Variants in BRI3 observed in about 807,000 individuals in gnomAD.
The protein encoded by BRI3 is membrane protein BRI3.
A neutral mutation model predicts 12.8 loss-of-function variants in BRI3; 6 were observed. That is an observed-to-expected ratio of 0.47 (90% CI 0.26 to 0.93). The LOEUF is 0.93. BRI3 is among the 40% of genes least tolerant of loss of function. BRI3 has a pLI of 0.15. For synonymous variants in BRI3, 91 were observed against 76.1 expected, an observed-to-expected ratio of 1.20 and a Z score of -1.02; for missense variants, 134 against 171.1, an observed-to-expected ratio of 0.78 and a Z score of 1.21.
At chr7:98,306,850 G>A in intron 1 of BRI3, 1 of 318,486 alleles carries the variant, frequency 3.1e-6, no homozygotes, top group South Asian at 3.5e-5. Context: ...GTGACTAGAA[G>A]TGTGCACCAC....
chr7:98,305,047 GTTTTTTTTTTTTTTTT>G (rs59633894), upstream of BRI3, among the ~76,000 whole-genome samples: 1 of 100,380 alleles, frequency 1.0e-5, no homozygotes, highest in Non-Finnish European at 1.8e-5. Flanking sequence ...TTTGTTTTTT[GTTTTTTTTTTTTTTTT>G]TTTTTTTAGT....
rs112008968 is a variant in BRI3 at position 98,291,098 on chromosome 7, G to A, written c.246-13G>A. ...CCTTACGGTGCCACCCTCTCTGCCC[G>A]TCTCTGCTGCAGGGTTGGGGTGCTG... On this transcript the variant is annotated splice_polypyrimidine_tract_variant and intron_variant, in intron 2 of 2. Coordinates refer to ENST00000297290, the MANE Select transcript of BRI3 (RefSeq NM_015379.5). 8.8e-4 allele frequency: 1,423 copies of A among 1,612,432 alleles called. No individual in the cohort carries two copies. Among genetic ancestry groups the A allele is most frequent in the Non-Finnish European group, 1.1e-3 (1,291 of 1,179,758 alleles).
At chr7:98,283,376 G>T (rs559680611) in intron 2 of BRI3, among the ~76,000 whole-genome samples, 1 of 152,200 alleles carries the variant, frequency 6.6e-6, no homozygotes, top group South Asian at 2.1e-4. Flanking sequence ...TTCCTGGGAA[G>T]GAAGGGCAAC....
chr7:98,291,087 C>A (rs1293737856), intron 2 of BRI3, 24 bp from the exon 3 acceptor site: 1 of 1,613,568 alleles, frequency 6.2e-7, no homozygotes, highest in Admixed American at 1.7e-5. Flanking sequence ...ACGGTGCCAC[C>A]CTCTCTGCCC....
At position 98,291,490 on chromosome 7, in the gene BRI3, A is replaced by AAAT; in HGVS notation, c.*251_*253dup. 1.5e-6 allele frequency: 2 copies of AAAT among 1,327,470 alleles called. No individual in the cohort carries two copies. The highest frequency in any genetic ancestry group is 3.4e-5 in the South Asian group (2 of 59,024). 82.2% of individuals were successfully genotyped at this position (1,327,470 alleles called of 1,614,324 possible). The stretch of plus-strand genomic sequence containing the variant: ...CAGTCTTCAATTTGAGAAAGGTGAG[A>AAAT]AATAATGTTTTCAATAAATGAGATT... On this transcript the variant is annotated 3_prime_UTR_variant, in exon 3 of 3. Transcript: ENST00000297290.
At chr7:98,310,412 G>T in exon 2 of BRI3, 1 of 1,557,796 alleles carries the variant, frequency 6.4e-7, no homozygotes, top group Non-Finnish European at 8.7e-7. Flanking sequence ...AATGTAAAAG[G>T]TATCTTCAAA....
At chr7:98,314,764 C>T (rs1052030061), downstream of BRI3, among the ~76,000 whole-genome samples, 14 of 152,124 alleles carry the variant, frequency 9.2e-5, no homozygotes, top group African/African-American at 3.4e-4. Flanking sequence ...CATCTCAAAT[C>T]GCCCAGGTGG....
chr7:98,287,508 G>A (rs1799749401), intron 2 of BRI3, among the ~76,000 whole-genome samples: 1 of 152,198 alleles, frequency 6.6e-6, no homozygotes, highest in Non-Finnish European at 1.5e-5. Flanking sequence ...CCCGGGGCTG[G>A]GAATCAAGGT....
At chr7:98,287,196 C>T (rs115829561) in intron 2 of BRI3, among the ~76,000 whole-genome samples, 2,669 of 152,334 alleles carry the variant, frequency 0.018, 92 homozygotes, top group African/African-American at 0.061. Flanking sequence ...GAAACAGGCT[C>T]GCTCTCCCCA....
chr7:98,302,533 C>T (rs770434486), upstream of BRI3, among the ~76,000 whole-genome samples: 1 of 152,314 alleles, frequency 6.6e-6, no homozygotes, highest in South Asian at 2.1e-4. Flanking sequence ...CAGCAACAGA[C>T]TCTGAGCAGG....
chr7:98,308,450 A>G (rs1800748088), exon 2 of BRI3: 2 of 370,088 alleles, frequency 5.4e-6, no homozygotes, highest in Non-Finnish European at 1.1e-5. Context: ...CACGATCTCA[A>G]TGTCTCACAG....
At chr7:98,321,408 C>T in the BRI3 span, among the ~76,000 whole-genome samples, 1 of 152,144 alleles carries the variant, frequency 6.6e-6, no homozygotes, top group Non-Finnish European at 1.5e-5. Context: ...CAGGGGAACC[C>T]GCAGCAGGAA....
downstream of BRI3, chr7:98,292,965 TGGGG>T: frequency 8.2e-7 from 1 of 1,215,034 alleles, no homozygotes; most frequent in Non-Finnish European, 1.0e-6. Flanking sequence ...GGAGGGAGGG[TGGGG>T]GTTTCTCCAT....
chr7:98,305,429 T>C (rs921633679), upstream of BRI3, among the ~76,000 whole-genome samples: 16 of 152,172 alleles, frequency 1.1e-4, no homozygotes, highest in African/African-American at 3.4e-4. Flanking sequence ...GGGATGAAGA[T>C]TGCAGACAGC....
At chr7:98,300,865 A>AGGC (rs1002589134) in intron 1 of BRI3, among the ~76,000 whole-genome samples, 131 of 152,170 alleles carry the variant, frequency 8.6e-4, no homozygotes, top group Middle Eastern at 3.4e-3. Context: ...CGCAACGCCC[A>AGGC]GGCCTTGTGT....
Position 98,299,438 on chromosome 7 carries a change from G to A in BRI3, c.72-7045G>A, listed in dbSNP as rs191022272. On this transcript the variant is annotated intron_variant and NMD_transcript_variant, in intron 1 of 2. Coordinates refer to the BRI3 transcript ENST00000491463. ...CTCCCAAAGTGCTGGGATTACAGGT[G>A]TGAGCCACCGTGCCCGGCAGGCTGC... Among the ~76,000 whole-genome samples, 420 of 152,294 alleles carry A rather than the reference G, an allele frequency of 2.8e-3. 2 individuals are homozygous for A. The highest frequency in any genetic ancestry group is 4.7e-3 in the Non-Finnish European group (319 of 68,028).
intron 2 of BRI3, among the ~76,000 whole-genome samples, chr7:98,287,339 G>A (rs569031236): frequency 1.3e-5 from 2 of 152,362 alleles, no homozygotes; most frequent in African/African-American, 2.4e-5. Flanking sequence ...GGACTGAGGG[G>A]CTCAGGCCAG....
chr7:98,308,014 C>T lies in BRI3; in HGVS notation n.644C>T, dbSNP rs181295433. On this transcript the variant is annotated non_coding_transcript_exon_variant, in exon 2 of 2. Transcript: ENST00000485422. ...CATCTTGCCAACAATGCTCCTTCCA[C>T]GGAAACTGACCCTGTCCTATTTCCT... 102 of 957,692 alleles carry T rather than the reference C, an allele frequency of 1.1e-4. No individual in the cohort carries two copies. In the East Asian group the frequency reaches 1.4e-3, roughly 13 times the overall value. 59.3% of individuals were successfully genotyped at this position (957,692 alleles called of 1,614,324 possible). A position where few individuals can be genotyped will look rare whatever the true frequency, so the allele number is the denominator to read the frequency against.
downstream of BRI3, chr7:98,293,076 A>T (rs1281996186): frequency 1.5e-6 from 1 of 662,030 alleles, no homozygotes; most frequent in Non-Finnish European, 1.9e-6. Flanking sequence ...GCATGCTAAG[A>T]TGCAAACTTA....
Sources: allele counts gnomAD v4.1 joint callset (sites outside exome capture counted in the v4.1 genomes callset), GRCh38; gene constraint gnomAD v4.1.1; transcripts MANE v1.5; gene names NCBI Gene and HGNC (gene_info 2026-07-23, HGNC 2026-07-21).